Variants in LIPA observed in about 807,000 individuals in gnomAD.
The protein encoded by LIPA is lipase A, lysosomal acid type.
LIPA carries 26 observed loss-of-function variants against 40.6 expected under a neutral mutation model. The observed-to-expected ratio is 0.64, with a 90% CI of 0.47 to 0.89. The LOEUF (loss-of-function observed/expected upper bound fraction) is 0.89. LIPA is among the 40% of genes least tolerant of loss of function. LIPA has a pLI of 0.00. For synonymous variants in LIPA, 188 were observed against 168.4 expected, an observed-to-expected ratio of 1.12 and a Z score of -0.90; for missense variants, 455 against 479.6, an observed-to-expected ratio of 0.95 and a Z score of 0.48.
intron 1 of LIPA, among the ~76,000 whole-genome samples, chr10:89,283,246 C>T (rs1017596659): frequency 1.3e-5 from 2 of 152,190 alleles, no homozygotes; most frequent in Admixed American, 1.3e-4. Context: ...CTGTAACCAA[C>T]ACTTCCATTT....
chr10:89,384,283 T>C lies in LIPA; in HGVS notation c.61+28508A>G, dbSNP rs145160679. ...GGAAACTGTGGACAGATTGGTTCAA[T>C]TGGCTATATGCAAATTTGAAAAGAC... On this transcript the variant is annotated intron_variant, in intron 2 of 8. Transcript: ENST00000371837. The C allele has an allele frequency of 1.3e-4, 207 of 1,614,088 alleles. 1 individual carries two copies. Among genetic ancestry groups the C allele is most frequent in the Admixed American group, 5.0e-5 (3 of 60,002 alleles).
chr10:89,368,500 C>T (rs911910859), intron 2 of LIPA, among the ~76,000 whole-genome samples: 1 of 152,182 alleles, frequency 6.6e-6, no homozygotes, highest in African/African-American at 2.4e-5. Flanking sequence ...AGCCTCTCCA[C>T]CCACCAACTC....
At chr10:89,221,929 A>G (rs1039883882) in intron 8 of LIPA, among the ~76,000 whole-genome samples, 1 of 152,104 alleles carries the variant, frequency 6.6e-6, no homozygotes, top group African/African-American at 2.4e-5. Flanking sequence ...TTTTTTCTAG[A>G]TGTAGTTTCT....
chr10:89,395,944 C>G (rs1346098871), intron 2 of LIPA, among the ~76,000 whole-genome samples: 1 of 152,066 alleles, frequency 6.6e-6, no homozygotes, highest in African/African-American at 2.4e-5. Flanking sequence ...ACATAATATT[C>G]CACTTTATGG....
At chr10:89,353,126 C>A (rs924386060) in intron 2 of LIPA, among the ~76,000 whole-genome samples, 1 of 152,142 alleles carries the variant, frequency 6.6e-6, no homozygotes, top group Admixed American at 6.5e-5. Context: ...AGGTGATGGT[C>A]AGGCAGTTGT....
At chr10:89,413,645 T>C (rs1394246727) in intron 1 of LIPA, among the ~76,000 whole-genome samples, 6 of 151,812 alleles carry the variant, frequency 4.0e-5, no homozygotes, top group South Asian at 2.1e-4. Context: ...TGCACGCATA[T>C]AGTCCCAGCC....
At chr10:89,380,044 A>C (rs575530125) in intron 2 of LIPA, among the ~76,000 whole-genome samples, 2 of 152,250 alleles carry the variant, frequency 1.3e-5, no homozygotes, top group East Asian at 1.9e-4. Context: ...CAAAAAAAAA[A>C]AAAAACAAAA....
At chr10:89,397,085 C>G (rs1844354922) in intron 2 of LIPA, among the ~76,000 whole-genome samples, 1 of 152,114 alleles carries the variant, frequency 6.6e-6, no homozygotes. Context: ...ATATGAAAGT[C>G]CATCAAACTC....
At chr10:89,290,193 C>A (rs1218479030) in intron 1 of LIPA, among the ~76,000 whole-genome samples, 1 of 152,158 alleles carries the variant, frequency 6.6e-6, no homozygotes, top group Non-Finnish European at 1.5e-5. Flanking sequence ...CCTCCCAATT[C>A]TTAGTCCTTT....
intron 2 of LIPA, among the ~76,000 whole-genome samples, chr10:89,378,573 T>C (rs188591): frequency 0.19 from 28,420 of 152,154 alleles, 3,425 homozygotes; most frequent in East Asian, 0.55. Context: ...ATTAATTCCA[T>C]GACCTTCACC....
intron 2 of LIPA, among the ~76,000 whole-genome samples, chr10:89,407,753 C>A (rs1047131153): frequency 2.0e-5 from 3 of 152,052 alleles, no homozygotes; most frequent in Non-Finnish European, 2.9e-5. Context: ...TTAGAGAATG[C>A]GTCGGTAAGG....
At position 89,319,474 on chromosome 10, in the gene LIPA, A is replaced by G. The variant is rs1267580580; in HGVS notation, c.-2+23137T>C. ...CTAGAAAATCTAGAAGAAATGGATA[A>G]ATTCATGGACACATACACCCTCCCA... On this transcript the variant is annotated intron_variant, in intron 1 of 5. Coordinates refer to the LIPA transcript ENST00000282673. 2.0e-5 allele frequency among the ~76,000 whole-genome samples: 3 copies of G among 152,224 alleles called. No homozygotes were observed. The East Asian group carries it at 5.8e-4, about 29-fold the overall frequency.
Position 89,365,665 on chromosome 10 carries a change from A to G in LIPA, c.61+47126T>C, listed in dbSNP as rs183293121. 9.3e-3 allele frequency among the ~76,000 whole-genome samples: 1,409 copies of G among 152,222 alleles called. 14 individuals are homozygous for G. Among genetic ancestry groups the G allele is most frequent in the Middle Eastern group, 0.027 (8 of 294 alleles). Reference sequence around the variant, plus strand: ...AAGGGATCCAGTTTCAGCTTTCTACATATGGCTAGCCAGTTTTCCCAGCAC... The same window carrying G: ...AAGGGATCCAGTTTCAGCTTTCTACGTATGGCTAGCCAGTTTTCCCAGCAC... On this transcript the variant is annotated intron_variant, in intron 2 of 8. Coordinates refer to the LIPA transcript ENST00000371837.
intron 2 of LIPA, among the ~76,000 whole-genome samples, chr10:89,352,413 A>T (rs1451857411): frequency 6.6e-6 from 1 of 152,176 alleles, no homozygotes; most frequent in East Asian, 1.9e-4. Flanking sequence ...ACGAGGCTCA[A>T]TTGCACATGT....
At chr10:89,362,214 G>A (rs1414588343) in intron 2 of LIPA, 1 of 151,968 alleles carries the variant, frequency 6.6e-6, no homozygotes, top group Non-Finnish European at 1.5e-5. Flanking sequence ...ATTTAACAAT[G>A]TTTCTACCTA....
At chr10:89,392,665 C>G in intron 2 of LIPA, 1 of 1,608,068 alleles carries the variant, frequency 6.2e-7, no homozygotes, top group Non-Finnish European at 8.5e-7. Flanking sequence ...CTCAGAGGAG[C>G]CTGGCTAAGC....
At chr10:89,244,944 C>A (rs1006692652) in intron 3 of LIPA, among the ~76,000 whole-genome samples, 5 of 152,084 alleles carry the variant, frequency 3.3e-5, no homozygotes, top group African/African-American at 7.2e-5. Context: ...TAAACTTGCA[C>A]ACACAAAAGC....
chr10:89,312,091 G>A (rs1412951667), intron 1 of LIPA, among the ~76,000 whole-genome samples: 7 of 151,826 alleles, frequency 4.6e-5, no homozygotes, highest in Admixed American at 3.3e-4. Flanking sequence ...ATGACTTTGC[G>A]TCTCTGTGCA....
At chr10:89,388,870 A>G (rs1281887063) in intron 2 of LIPA, among the ~76,000 whole-genome samples, 1 of 152,218 alleles carries the variant, frequency 6.6e-6, no homozygotes, top group East Asian at 1.9e-4. Context: ...ACTGTGGGTC[A>G]AGGTGGGCTG....
Sources: allele counts gnomAD v4.1 joint callset (sites outside exome capture counted in the v4.1 genomes callset), GRCh38; gene constraint gnomAD v4.1.1; transcripts MANE v1.5; gene names NCBI Gene and HGNC (gene_info 2026-07-23, HGNC 2026-07-21).